The following NHS variants were observed in gnomAD, a reference collection of about 807,000 sequenced individuals.
The protein encoded by NHS is actin remodeling regulator NHS.
In NHS, 5 loss-of-function variants were observed where a neutral mutation model predicts 72.5. That is an observed-to-expected ratio of 0.07 (90% CI 0.04 to 0.14). The LOEUF (loss-of-function observed/expected upper bound fraction) is 0.14. Among genes scored for constraint, NHS ranks in the 10% least tolerant of loss-of-function variants. NHS has a pLI of 1.00. For missense variants in NHS, 1,072 were observed against 1,355.7 expected, an observed-to-expected ratio of 0.79 and a Z score of 3.29; for synonymous variants, 464 against 547.7, an observed-to-expected ratio of 0.85 and a Z score of 2.13.
At chrX:17,472,990 A>G (rs1420463155) in intron 1 of NHS, among the ~76,000 whole-genome samples, 1 of 112,649 alleles carries the variant, frequency 8.9e-6, no homozygotes, top group Admixed American at 9.4e-5. Flanking sequence ...GGTAAGGAAG[A>G]TTCAAATTTT....
intron 2 of NHS, among the ~76,000 whole-genome samples, chrX:17,690,574 T>A (rs974267036): frequency 2.7e-5 from 3 of 112,148 alleles, no homozygotes; most frequent in African/African-American, 9.7e-5. Context: ...CCAACAAATT[T>A]TATTGAAGGC....
intron 1 of NHS, among the ~76,000 whole-genome samples, chrX:17,474,388 A>C (rs2064905060): frequency 8.9e-6 from 1 of 111,834 alleles, no homozygotes; most frequent in African/African-American, 3.3e-5. Flanking sequence ...TTAGTTTGTA[A>C]GTGATTTTAG....
chrX:17,478,394 G>T (rs1213417772), intron 1 of NHS, among the ~76,000 whole-genome samples: 1 of 111,897 alleles, frequency 8.9e-6, no homozygotes, highest in Non-Finnish European at 1.9e-5. Flanking sequence ...ATCCATTTTC[G>T]ATGTGCTTTA....
chrX:17,399,638 C>T (rs2064493980), intron 1 of NHS, among the ~76,000 whole-genome samples: 1 of 111,636 alleles, frequency 9.0e-6, no homozygotes, highest in Admixed American at 9.6e-5. Context: ...ACGTATCATG[C>T]ACCTCTCTAG....
At chrX:17,469,696 C>T (rs756826334) in intron 1 of NHS, among the ~76,000 whole-genome samples, 2 of 112,255 alleles carry the variant, frequency 1.8e-5, no homozygotes, top group Non-Finnish European at 3.8e-5. Context: ...GCAGTAGTGC[C>T]ATGGCGTGAT....
At chrX:17,453,216 C>G (rs1025153292) in intron 1 of NHS, among the ~76,000 whole-genome samples, 3 of 111,107 alleles carry the variant, frequency 2.7e-5, no homozygotes, top group African/African-American at 9.8e-5. Context: ...TTTGAGCAGT[C>G]TATCCATGTG....
At chrX:17,449,541 A>T (rs2064796768) in intron 1 of NHS, among the ~76,000 whole-genome samples, 1 of 112,579 alleles carries the variant, frequency 8.9e-6, no homozygotes, top group Non-Finnish European at 1.9e-5. Context: ...GAATGACCTT[A>T]ACATGGCTGT....
intron 1 of NHS, among the ~76,000 whole-genome samples, chrX:17,658,521 G>A (rs1480135264): frequency 3.6e-5 from 4 of 111,844 alleles, no homozygotes; most frequent in Admixed American, 1.9e-4. Context: ...GATAGAGATC[G>A]TGACTGGGGG....
At chrX:17,565,073 G>A (rs1349129275) in intron 1 of NHS, among the ~76,000 whole-genome samples, 2 of 109,315 alleles carry the variant, frequency 1.8e-5, no homozygotes, top group Non-Finnish European at 3.8e-5. Context: ...CTTGCTTTGA[G>A]CAACAGAATG....
chrX:17,570,682 C>T (rs988558490), intron 1 of NHS, among the ~76,000 whole-genome samples: 1 of 111,598 alleles, frequency 9.0e-6, no homozygotes, highest in Admixed American at 9.5e-5. Flanking sequence ...GCCTGATTGC[C>T]CTGGCCAGAA....
intron 1 of NHS, among the ~76,000 whole-genome samples, chrX:17,538,801 G>T (rs147833936): frequency 8.9e-6 from 1 of 111,878 alleles, no homozygotes; most frequent in Non-Finnish European, 1.9e-5. Context: ...GATCAAAACC[G>T]CTTTTCTTTG....
intron 3 of NHS, among the ~76,000 whole-genome samples, chrX:17,695,146 G>A (rs2066220168): frequency 8.9e-6 from 1 of 112,061 alleles, no homozygotes. Flanking sequence ...ACTAGAGGAA[G>A]TATAAATTGT....
chrX:17,409,003 G>A (rs1341052251), intron 1 of NHS, among the ~76,000 whole-genome samples: 1 of 110,978 alleles, frequency 9.0e-6, no homozygotes, highest in African/African-American at 3.3e-5. Flanking sequence ...AGGCTCCCTG[G>A]TGTCTCTTCT....
intron 1 of NHS, among the ~76,000 whole-genome samples, chrX:17,628,422 G>A (rs1029496092): frequency 1.8e-5 from 2 of 112,555 alleles, no homozygotes; most frequent in Admixed American, 1.9e-4. Flanking sequence ...GCTCAAAGGA[G>A]AGCATTGCAT....
intron 3 of NHS, among the ~76,000 whole-genome samples, chrX:17,695,501 C>T (rs1041651092): frequency 1.8e-5 from 2 of 111,588 alleles, no homozygotes; most frequent in South Asian, 3.8e-4. Flanking sequence ...AAAATGTCAA[C>T]GAGTGTATAT....
intron 1 of NHS, among the ~76,000 whole-genome samples, chrX:17,431,034 C>A (rs916034253): frequency 7.6e-4 from 85 of 111,786 alleles, no homozygotes; most frequent in Middle Eastern, 4.6e-3. Context: ...CCATGTTTAA[C>A]CCTTGGAGGA....
intron 1 of NHS, among the ~76,000 whole-genome samples, chrX:17,562,340 G>A (rs758630744): frequency 3.6e-5 from 4 of 112,295 alleles, no homozygotes; most frequent in Non-Finnish European, 5.6e-5. Flanking sequence ...CACCTGAGGG[G>A]TGAGGCAGCT....
At chrX:17,441,160 T>C (rs922238878) in intron 1 of NHS, among the ~76,000 whole-genome samples, 7 of 112,415 alleles carry the variant, frequency 6.2e-5, no homozygotes, top group Non-Finnish European at 9.4e-5. Context: ...ATGGCAGACG[T>C]TGGGGAAGAG....
At chrX:17,586,610 G>A (rs1365779938) in intron 1 of NHS, 1 of 112,022 alleles carries the variant, frequency 8.9e-6, no homozygotes, top group Non-Finnish European at 1.9e-5. Context: ...AGGATTTATC[G>A]AAGATCTGAG....
Sources: allele counts gnomAD v4.1 joint callset (sites outside exome capture counted in the v4.1 genomes callset), GRCh38; gene constraint gnomAD v4.1.1; transcripts MANE v1.5; gene names NCBI Gene and HGNC (gene_info 2026-07-23, HGNC 2026-07-21).